AGMO: variants seen among roughly 807,000 people sequenced by gnomAD.
The protein encoded by AGMO is alkylglycerol monooxygenase, also known as glyceryl-ether monooxygenase.
A neutral mutation model predicts 60.2 loss-of-function variants in AGMO; 75 were observed. The observed-to-expected ratio is 1.25, with a 90% CI of 1.03 to 1.51. The LOEUF (loss-of-function observed/expected upper bound fraction) is 1.51, where lower values mean the gene tolerates loss of function less well. AGMO is among the 40% of genes most tolerant of loss of function. The pLI is 0.00. For synonymous variants in AGMO, 261 were observed against 177.1 expected, an observed-to-expected ratio of 1.47 and a Z score of -3.76; for missense variants, 763 against 525.5, an observed-to-expected ratio of 1.45 and a Z score of -4.42.
chr7:15,350,627 A>G (rs1308398984), intron 12 of AGMO, among the ~76,000 whole-genome samples: 1 of 152,136 alleles, frequency 6.6e-6, no homozygotes, highest in Non-Finnish European at 1.5e-5. Context: ...GGGTTCAATA[A>G]AAAAGAGCTG....
intron 5 of AGMO, among the ~76,000 whole-genome samples, chr7:15,409,003 G>C (rs1223529036): frequency 1.3e-5 from 2 of 151,668 alleles, no homozygotes; most frequent in Admixed American, 6.6e-5. Context: ...GGTATTAGAT[G>C]AATTTGAGAA....
At chr7:15,182,541 G>A in the AGMO span, among the ~76,000 whole-genome samples, 6 of 152,054 alleles carry the variant, frequency 3.9e-5, no homozygotes, top group African/African-American at 1.4e-4. Flanking sequence ...TCTGCCTCCC[G>A]AGTAGCCGGG....
chr7:15,544,823 C>T lies in AGMO; in HGVS notation c.358G>A (p.Ala120Thr). ...PWDSPWTWYS[A>T]FLGVDFGYYW... is the part of the protein sequence containing the mutation. The stretch of plus-strand genomic sequence containing the variant: ...TAGCCAAAGTCAACTCCTAAGAAGG[C>T]TGAATACCAAGTCCATGGAGAATCC... Residue 120 changes from alanine (A) to threonine (T), a missense_variant, in exon 3 of 13, where the codon GCC (alanine) becomes ACC (threonine). Physicochemically the swap from Ala to Thr is moderately conservative, Grantham distance 58. Transcript: ENST00000342526. 6.2e-7 allele frequency: 1 copy of T among 1,609,860 alleles called. No homozygotes were observed. Among genetic ancestry groups the T allele is most frequent in the Non-Finnish European group, 8.5e-7 (1 of 1,177,834 alleles).
rs770350590 is a variant in AGMO at position 15,489,459 on chromosome 7, G to C, written c.409+55313C>G. On this transcript the variant is annotated intron_variant, in intron 3 of 12. Coordinates refer to ENST00000342526, the MANE Select transcript of AGMO (RefSeq NM_001004320.2). Reference sequence around the variant, plus strand: ...CCCATAGGCAATCTTCACATGTACAGTACATCCTGGACCTTTTGATGCTTT... The same window carrying C: ...CCCATAGGCAATCTTCACATGTACACTACATCCTGGACCTTTTGATGCTTT... Among the ~76,000 whole-genome samples, 9 of 152,256 alleles carry C rather than the reference G, an allele frequency of 5.9e-5. No homozygotes were observed. The South Asian group carries it at 6.2e-4, about 11-fold the overall frequency.
At chr7:15,332,503 T>C in intron 12 of AGMO, among the ~76,000 whole-genome samples, 1 of 152,152 alleles carries the variant, frequency 6.6e-6, no homozygotes, top group South Asian at 2.1e-4. Context: ...TATCCTCTAA[T>C]ATATCACCTA....
chr7:15,245,563 T>C (rs747082017), intron 12 of AGMO, among the ~76,000 whole-genome samples: 2 of 152,118 alleles, frequency 1.3e-5, no homozygotes, highest in Non-Finnish European at 2.9e-5. Context: ...ATCACTATCA[T>C]AGAGGTATTG....
chr7:15,338,146 ATAT>A lies in AGMO; in HGVS notation c.1263+27365_1263+27367del, dbSNP rs1232070676. Reference sequence around the variant, plus strand: ...GTATATTTTATGTTTTCTCTGTGTAATATTATAATTAAATTTTTTAAGTAAGGT... The same window carrying A: ...GTATATTTTATGTTTTCTCTGTGTAATATAATTAAATTTTTTAAGTAAGGT... On this transcript the variant is annotated intron_variant, in intron 12 of 12. Coordinates refer to ENST00000342526, the MANE Select transcript of AGMO (RefSeq NM_001004320.2). 2.6e-5 allele frequency among the ~76,000 whole-genome samples: 4 copies of A among 152,294 alleles called. No individual in the cohort carries two copies. The East Asian group carries it at 5.8e-4, about 22-fold the overall frequency.
intron 12 of AGMO, among the ~76,000 whole-genome samples, chr7:15,261,961 C>A (rs189274330): frequency 1.3e-5 from 2 of 151,994 alleles, no homozygotes; most frequent in East Asian, 3.9e-4. Context: ...TATGATTAAA[C>A]CCTCAGAAAA....
intron 3 of AGMO, among the ~76,000 whole-genome samples, chr7:15,466,035 C>CA: frequency 6.6e-6 from 1 of 152,162 alleles, no homozygotes. Context: ...GTTGGGGGTA[C>CA]AAAAGTGAAT....
chr7:15,333,536 C>G (rs750178363), intron 12 of AGMO, among the ~76,000 whole-genome samples: 3 of 150,536 alleles, frequency 2.0e-5, no homozygotes, highest in African/African-American at 4.9e-5. Flanking sequence ...AAACATGGCC[C>G]TGACAAGTGC....
chr7:15,462,701 T>A (rs2128509188), intron 3 of AGMO, among the ~76,000 whole-genome samples: 1 of 152,236 alleles, frequency 6.6e-6, no homozygotes, highest in African/African-American at 2.4e-5. Flanking sequence ...GCAAGAAAAA[T>A]TAAGCTCTAT....
At chr7:15,529,515 C>G (rs1168614199) in intron 3 of AGMO, among the ~76,000 whole-genome samples, 1 of 110,318 alleles carries the variant, frequency 9.1e-6, no homozygotes, top group African/African-American at 3.4e-5. Flanking sequence ...AGACTAGAAT[C>G]TGTTCTTAGA....
At chr7:15,521,909 C>A (rs536329651) in intron 3 of AGMO, among the ~76,000 whole-genome samples, 1 of 152,142 alleles carries the variant, frequency 6.6e-6, no homozygotes, top group African/African-American at 2.4e-5. Flanking sequence ...AGTCAAATTA[C>A]CTCTGTTTGC....
intron 10 of AGMO, among the ~76,000 whole-genome samples, chr7:15,379,251 G>A (rs1783581288): frequency 6.6e-6 from 1 of 151,896 alleles, no homozygotes; most frequent in African/African-American, 2.4e-5. Flanking sequence ...GCTATCACAA[G>A]ACAATAACCA....
chr7:15,321,922 A>G (rs73064509), intron 12 of AGMO, among the ~76,000 whole-genome samples: 12,370 of 152,104 alleles, frequency 0.081, 715 homozygotes, highest in South Asian at 0.23. Context: ...TTGGAGGTCT[A>G]TTTAATACAA....
At chr7:15,541,105 G>T (rs907894217) in intron 3 of AGMO, among the ~76,000 whole-genome samples, 5 of 151,882 alleles carry the variant, frequency 3.3e-5, no homozygotes, top group Admixed American at 6.6e-5. Flanking sequence ...TTGTTTTTTT[G>T]TTTGTTTGTT....
chr7:15,425,355 C>T (rs4721440), intron 4 of AGMO, among the ~76,000 whole-genome samples: 109,880 of 151,834 alleles, frequency 0.72, 40,383 homozygotes, highest in Middle Eastern at 0.82. Flanking sequence ...ACATATTCTC[C>T]ATATGATAAT....
chr7:15,456,613 G>C (rs1377765802), intron 3 of AGMO, among the ~76,000 whole-genome samples: 2 of 152,156 alleles, frequency 1.3e-5, no homozygotes, highest in Non-Finnish European at 2.9e-5. Flanking sequence ...TAAGGAAATA[G>C]TTCGCTCAGC....
chr7:15,307,368 T>C (rs1428521131), intron 12 of AGMO, among the ~76,000 whole-genome samples: 1 of 152,040 alleles, frequency 6.6e-6, no homozygotes, highest in Admixed American at 6.6e-5. Context: ...TACTTATAAA[T>C]ATAGTTCAAA....
Sources: gnomAD v4.1 joint callset for allele counts (sites outside exome capture counted in the v4.1 genomes callset) on GRCh38, gnomAD v4.1.1 for gene constraint, MANE v1.5 for transcripts, NCBI Gene and HGNC (gene_info 2026-07-23, HGNC 2026-07-21) for gene names.